The following LRRK1 variants were observed in gnomAD, a reference collection of about 807,000 sequenced individuals.
The protein encoded by LRRK1 is leucine rich repeat kinase 1.
A neutral mutation model predicts 209.1 loss-of-function variants in LRRK1; 113 were observed. The observed-to-expected ratio is 0.54, with a 90% CI of 0.46 to 0.63. The LOEUF (loss-of-function observed/expected upper bound fraction) is 0.63, where lower values mean the gene tolerates loss of function less well. LRRK1 is among the 30% of genes least tolerant of loss of function. The pLI is 0.00. For synonymous variants in LRRK1, 1,144 were observed against 1,099.7 expected (o/e 1.04, Z -0.80); for missense variants, 2,284 against 2,632.2 (o/e 0.87, Z 2.89).
intron 2 of LRRK1, among the ~76,000 whole-genome samples, chr15:100,970,241 T>C (rs1205230724): frequency 6.6e-6 from 1 of 152,192 alleles, no homozygotes; most frequent in Non-Finnish European, 1.5e-5. Flanking sequence ...GATGGGCATT[T>C]GGGTTGATTC....
At chr15:100,962,800 T>TATATACATATATATATATATACAC (rs1422041164) in intron 2 of LRRK1, among the ~76,000 whole-genome samples, 5 of 17,280 alleles carry the variant, frequency 2.9e-4, no homozygotes, top group Admixed American at 6.1e-4. Context: ...TTTGCATATA[T>TATATACATATATATATATATACAC]ATATATATAT....
rs199664807 is a variant in LRRK1, at chr15:101,068,770, C to G, written c.5970C>G (p.Gly1990=). The G allele has an allele frequency of 6.2e-7, 1 of 1,613,518 alleles. No individual in the cohort carries two copies. Residue 1990 remains glycine, a synonymous_variant, in exon 34 of 34, where the codon GGC becomes GGG. Coordinates refer to ENST00000388948, the MANE Select transcript of LRRK1 (RefSeq NM_024652.6). The stretch of plus-strand genomic sequence containing the variant: ...GCCTGGCCGTCTGGAGGGGCTGGGG[C>G]GCCAGGGAGTTCGACATTTTCTACC... The part of the protein sequence containing the change: ...EWCLAVWRGW[G]AREFDIFYQS...
chr15:101,061,680 C>T (rs992492064), intron 30 of LRRK1, among the ~76,000 whole-genome samples: 4 of 152,330 alleles, frequency 2.6e-5, no homozygotes, highest in Non-Finnish European at 5.9e-5. Context: ...AAGGAGGGGT[C>T]TTCTGAGAAG....
At chr15:100,970,947 TTTTTTCAA>T (rs2030831012) in intron 2 of LRRK1, among the ~76,000 whole-genome samples, 1 of 152,248 alleles carries the variant, frequency 6.6e-6, no homozygotes, top group Non-Finnish European at 1.5e-5. Context: ...TCATAAACTA[TTTTTTCAA>T]TTTTTCAATG....
rs773266521 is a variant in LRRK1 at position 101,010,772 on chromosome 15, C to T, written c.1216C>T (p.Leu406Phe). ...PALFLHSFKS[L>F]NSLNVSRNNL... The stretch of plus-strand genomic sequence containing the variant: ...CCTGTTCCTTCACTCTTTCAAGTCC[C>T]TCAATTCTCTGAATGTCTCCAGAAA... The change falls in exon 9 of 34, where the codon CTC becomes TTC. Residue 406 changes from leucine to phenylalanine, a missense_variant. Around this residue, in one of 6 missense-constraint regions of LRRK1, gnomAD observed 494 missense variants for 522.1 expected, o/e 0.95. Coordinates refer to ENST00000388948, the MANE Select transcript of LRRK1 (RefSeq NM_024652.6). The T allele has an allele frequency of 4.3e-6, 7 of 1,613,890 alleles. No homozygotes were observed. The highest frequency in any genetic ancestry group is 5.9e-6 in the Non-Finnish European group (7 of 1,179,966).
rs747828168 is a variant in LRRK1, at chr15:101,022,409, C to T, written c.1879C>T (p.Arg627Cys). 12 of 1,614,116 alleles carry T rather than the reference C, an allele frequency of 7.4e-6. No homozygotes were observed. Among genetic ancestry groups the T allele is most frequent in the South Asian group, 3.3e-5 (3 of 91,082 alleles). Residue 627 changes from arginine to cysteine, a missense_variant, in exon 15 of 34, where the codon CGT becomes TGT. Arg to Cys is a radical substitution (Grantham distance 180, BLOSUM62 -3). This residue lies in a region of LRRK1 where 494 missense variants were observed against 522.1 expected (regional missense o/e 0.95). Transcript: ENST00000388948. This position sits in a 1 kb window ranked among gnomAD's most constrained non-coding sequence, Gnocchi z 4.0. ...EGPKAMLSYLRAQLRKAEKCK... is the reference protein window; with the variant it reads ...EGPKAMLSYLCAQLRKAEKCK... Reference sequence around the variant, plus strand: ...CCCCAAAGCAATGCTGTCTTACCTGCGTGCTCAGCTGCGGAAAGCGGAAAA... The same window carrying T: ...CCCCAAAGCAATGCTGTCTTACCTGTGTGCTCAGCTGCGGAAAGCGGAAAA...
At chr15:100,976,475 G>A (rs1436685965) in intron 3 of LRRK1, among the ~76,000 whole-genome samples, 1 of 152,190 alleles carries the variant, frequency 6.6e-6, no homozygotes, top group East Asian at 1.9e-4. Context: ...AAACAAAAAT[G>A]AAGCAGCCTT....
chr15:100,924,540 T>C lies in LRRK1; in HGVS notation c.-93T>C. ...AGAAAGCTTTCTGCTCAGCCATGGCTACGAGTCCACGCCTTAATGCACCCC... is the reference window on the plus strand; with the variant it reads ...AGAAAGCTTTCTGCTCAGCCATGGCCACGAGTCCACGCCTTAATGCACCCC... On this transcript the variant is annotated 5_prime_UTR_variant, in exon 2 of 34. Coordinates refer to ENST00000388948, the MANE Select transcript of LRRK1 (RefSeq NM_024652.6). 1 of 1,046,652 alleles carries C rather than the reference T, an allele frequency of 9.6e-7. No individual in the cohort carries two copies. The highest frequency in any genetic ancestry group is 1.5e-6 in the Non-Finnish European group (1 of 679,382). 64.8% of individuals were successfully genotyped at this position (1,046,652 alleles called of 1,614,324 possible). A position where few individuals can be genotyped will look rare whatever the true frequency, so the allele number is the denominator to read the frequency against.
chr15:100,985,773 A>G (rs892192948), intron 4 of LRRK1, among the ~76,000 whole-genome samples: 1 of 152,236 alleles, frequency 6.6e-6, no homozygotes. Flanking sequence ...ATTTCAGACC[A>G]TTGTGGTGGG....
chr15:101,067,421 A>ATGTGTGTGTGTGTGTGTG (rs57333844), intron 33 of LRRK1: 1 of 289,152 alleles, frequency 3.5e-6, no homozygotes, highest in East Asian at 9.8e-5. Flanking sequence ...CTCAGTTCAA[A>ATGTGTGTGTGTGTGTGTG]TGTGTGTGTG....
At chr15:100,937,967 C>T (rs534317585) in intron 2 of LRRK1, among the ~76,000 whole-genome samples, 1 of 152,240 alleles carries the variant, frequency 6.6e-6, no homozygotes, top group South Asian at 2.1e-4. Flanking sequence ...CCTCCTACCT[C>T]ATCCTCCTAA....
rs761682123 is a variant in LRRK1 at position 101,010,754 on chromosome 15, C to G, written c.1198C>G (p.Leu400Val). ...NKLTELPALF[L>V]HSFKSLNSLN... The stretch of plus-strand genomic sequence containing the variant: ...ATTGACAGAACTCCCTGCCCTGTTC[C>G]TTCACTCTTTCAAGTCCCTCAATTC... The change falls in exon 9 of 34, where the codon CTT becomes GTT. Residue 400 changes from leucine (L) to valine (V), a missense_variant. By Grantham distance (32) the Leu-to-Val change is conservative. Transcript: ENST00000388948. 5 of 1,613,448 alleles carry G rather than the reference C, an allele frequency of 3.1e-6. No homozygotes were observed. The highest frequency in any genetic ancestry group is 4.2e-6 in the Non-Finnish European group (5 of 1,179,924).
intron 3 of LRRK1, among the ~76,000 whole-genome samples, chr15:100,976,229 C>T (rs114159491): frequency 0.017 from 2,612 of 152,278 alleles, 64 homozygotes; most frequent in African/African-American, 0.059. Context: ...CTGGTGTGTT[C>T]TACCAATAAT....
rs533829378 is a variant in LRRK1, at chr15:100,950,054, G to A, written c.98-23750G>A. 2.5e-4 allele frequency among the ~76,000 whole-genome samples: 38 copies of A among 152,300 alleles called. No individual in the cohort carries two copies. In the South Asian group the frequency reaches 5.2e-3, roughly 21 times the overall value. The stretch of plus-strand genomic sequence containing the variant: ...AGAAAAAGAAATGAAATCCAAATTG[G>A]AGAGGTAAAACTATATTTTCCGGTG... On this transcript the variant is annotated intron_variant, in intron 2 of 33. Coordinates refer to ENST00000388948, the MANE Select transcript of LRRK1 (RefSeq NM_024652.6).
intron 20 of LRRK1, 120 bp downstream of exon 20, chr15:101,029,352 C>T: frequency 9.4e-7 from 1 of 1,059,632 alleles, no homozygotes; most frequent in South Asian, 1.7e-5. Flanking sequence ...CACTGCTGCC[C>T]CCTACGGACA....
intron 2 of LRRK1, among the ~76,000 whole-genome samples, chr15:100,966,080 T>C (rs72765046): frequency 0.026 from 3,982 of 152,306 alleles, 74 homozygotes; most frequent in Non-Finnish European, 0.038. Context: ...TTATGGATAA[T>C]AGTTGATGAA....
In LRRK1 at chr15:101,061,278, C is replaced by T; in HGVS notation, c.4787C>T (p.Thr1596Ile). 6.2e-7 allele frequency: 1 copy of T among 1,613,184 alleles called. No individual in the cohort carries two copies. Among genetic ancestry groups the T allele is most frequent in the South Asian group, 1.1e-5 (1 of 91,044 alleles). ...CQLQVQRSLW[T>I]ATEDQKIYIY... ...CTCCAGGTCCAGAGATCCCTGTGGA[C>T]AGCCACCGAGGTAAGCACTGCCCGC... is the stretch of plus-strand genomic sequence containing the variant. Residue 1596 changes from threonine to isoleucine, a missense_variant, in exon 30 of 34, where the codon ACA becomes ATA. Thr to Ile is a moderately conservative substitution (Grantham distance 89, BLOSUM62 -1). Coordinates refer to ENST00000388948, the MANE Select transcript of LRRK1 (RefSeq NM_024652.6).
Position 101,062,680 on chromosome 15 carries a change from T to C in LRRK1, c.4904T>C (p.Val1635Ala), listed in dbSNP as rs2036255295. 1 of 1,613,000 alleles carries C rather than the reference T, an allele frequency of 6.2e-7. No homozygotes were observed. The highest frequency in any genetic ancestry group is 8.5e-7 in the Non-Finnish European group (1 of 1,178,950). The change falls in exon 31 of 34, where the codon GTT becomes GCT. Residue 1635 changes from valine (V) to alanine (A), a missense_variant. Around this residue, in one of 6 missense-constraint regions of LRRK1, gnomAD observed 643 missense variants for 695.9 expected, o/e 0.92. Coordinates refer to ENST00000388948, the MANE Select transcript of LRRK1 (RefSeq NM_024652.6). ...AVVTCFLAVP[V>A]IKKNSYLVLA... ...GTCACCTGCTTCTTGGCCGTGCCTG[T>C]TATTAAAAAGGTGAGGTCGGGGCAA...
chr15:100,930,688 G>T (rs1421291815), intron 2 of LRRK1, among the ~76,000 whole-genome samples: 2 of 152,162 alleles, frequency 1.3e-5, no homozygotes, highest in African/African-American at 4.8e-5. Flanking sequence ...ATCTGCCCTG[G>T]CCCCCATGAA....
Sources: allele counts gnomAD v4.1 joint callset (sites outside exome capture counted in the v4.1 genomes callset), GRCh38; gene constraint gnomAD v4.1.1; regional missense constraint gnomAD v4.1.1; non-coding constraint Gnocchi (gnomAD v3.1); transcripts MANE v1.5; gene names NCBI Gene and HGNC (gene_info 2026-07-23, HGNC 2026-07-21).